The following KALRN variants were observed in gnomAD, a reference collection of about 807,000 sequenced individuals.
KALRN encodes the protein kalirin RhoGEF kinase.
Under a neutral mutation model 353.7 loss-of-function variants are expected in KALRN, and 70 were observed. The observed-to-expected ratio is 0.20, with a 90% CI of 0.16 to 0.24. The LOEUF (loss-of-function observed/expected upper bound fraction) is 0.24, where lower values mean the gene tolerates loss of function less well. Ranked by LOEUF, KALRN falls within the 10% of genes least tolerant of loss-of-function variation. KALRN has a pLI of 1.00. For synonymous variants in KALRN, 1,391 were observed against 1,434.8 expected (o/e 0.97, Z 0.69); for missense variants, 2,791 against 3,756.7 (o/e 0.74, Z 6.72).
chr3:124,342,089 C>T (rs2081794904), intron 9 of KALRN, among the ~76,000 whole-genome samples: 1 of 152,014 alleles, frequency 6.6e-6, no homozygotes, highest in South Asian at 2.1e-4. Flanking sequence ...AAAAATTATA[C>T]CCTGGTGAAA....
At chr3:124,475,599 C>T (rs749739063) in intron 26 of KALRN, among the ~76,000 whole-genome samples, 7 of 152,164 alleles carry the variant, frequency 4.6e-5, no homozygotes, top group Admixed American at 1.3e-4. Flanking sequence ...AAAGTGTCTT[C>T]ATGATTCAGA....
chr3:124,080,661 G>T lies in KALRN; in HGVS notation c.73+46848G>T, dbSNP rs78521883. Among the ~76,000 whole-genome samples, 132 of 152,172 alleles carry T rather than the reference G, an allele frequency of 8.7e-4. 3 individuals are homozygous for T. The East Asian group carries it at 0.025, about 28-fold the overall frequency. On this transcript the variant is annotated intron_variant, in intron 1 of 59. Coordinates refer to ENST00000682506, the MANE Select transcript of KALRN (RefSeq NM_001388419.1). ...AAATCATCATAAACAGCGTCTCCTT[G>T]TACACATGTACAAGTGCTTCTCTAG... is the stretch of plus-strand genomic sequence containing the variant.
intron 5 of KALRN, among the ~76,000 whole-genome samples, chr3:124,291,952 A>T (rs57296540): frequency 0.013 from 1,969 of 152,282 alleles, 48 homozygotes; most frequent in African/African-American, 0.043. Context: ...CCGTCTGTAG[A>T]TGTCCGTGTA....
Position 124,700,039 on chromosome 3 carries a change from T to A in KALRN, c.7996+6T>A. On this transcript the variant is annotated splice_donor_region_variant and intron_variant, in intron 56 of 59. Transcript: ENST00000682506. The stretch of plus-strand genomic sequence containing the variant: ...TGTGCGACTTCCAGAATATGGTGAG[T>A]CCCAGCCCAGCCCTGGCCCCCCAGG... 6.2e-7 allele frequency: 1 copy of A among 1,613,470 alleles called. No homozygotes were observed. The highest frequency in any genetic ancestry group is 8.5e-7 in the Non-Finnish European group (1 of 1,179,860).
chr3:124,571,721 C>T (rs1169623134), intron 34 of KALRN, among the ~76,000 whole-genome samples: 1 of 151,870 alleles, frequency 6.6e-6, no homozygotes, highest in African/African-American at 2.4e-5. Flanking sequence ...GACAGGGCCT[C>T]ACTCTGTTGC....
At chr3:124,707,115 G>T (rs958531884) in intron 57 of KALRN, among the ~76,000 whole-genome samples, 1 of 152,006 alleles carries the variant, frequency 6.6e-6, no homozygotes, top group African/African-American at 2.4e-5. Context: ...GAGGCAGGAG[G>T]ATCACTTGAG....
intron 34 of KALRN, among the ~76,000 whole-genome samples, chr3:124,587,993 C>G (rs992110189): frequency 6.6e-6 from 1 of 151,886 alleles, no homozygotes; most frequent in South Asian, 2.1e-4. Flanking sequence ...TGCACTTAGC[C>G]TTTTTGGTTC....
At chr3:124,456,165 TTTC>T (rs2059291313) in intron 22 of KALRN, among the ~76,000 whole-genome samples, 1 of 152,208 alleles carries the variant, frequency 6.6e-6, no homozygotes, top group Admixed American at 6.5e-5. Context: ...CCAAGGGAAA[TTTC>T]TTGTTTAAAT....
intron 51 of KALRN, among the ~76,000 whole-genome samples, chr3:124,689,339 C>T (rs1387572297): frequency 1.3e-5 from 2 of 152,142 alleles, no homozygotes; most frequent in Non-Finnish European, 2.9e-5. Flanking sequence ...CTCAGCTTCC[C>T]GAGTAGCTGT....
intron 6 of KALRN, among the ~76,000 whole-genome samples, chr3:124,307,361 T>C (rs973153663): frequency 6.6e-6 from 1 of 152,062 alleles, no homozygotes. Context: ...GCTATAAATA[T>C]ATAGTAATCC....
intron 33 of KALRN, among the ~76,000 whole-genome samples, chr3:124,509,698 T>C (rs1363505643): frequency 6.6e-6 from 1 of 152,218 alleles, no homozygotes; most frequent in African/African-American, 2.4e-5. Context: ...ATGCAGGTAA[T>C]AGAGATGCAG....
chr3:124,385,090 T>C (rs971475169), intron 11 of KALRN, 54 bp downstream of exon 11: 135 of 1,488,562 alleles, frequency 9.1e-5, no homozygotes, highest in Admixed American at 1.4e-4. Flanking sequence ...TCAGGTCGGC[T>C]TCCTAGTAAA....
chr3:124,053,616 C>T (rs1314454610), intron 1 of KALRN, among the ~76,000 whole-genome samples: 2 of 152,080 alleles, frequency 1.3e-5, no homozygotes, highest in Non-Finnish European at 2.9e-5. Context: ...GAATACAAAA[C>T]GTTAAAAAAA....
chr3:124,174,565 G>A (rs759958611), intron 1 of KALRN, among the ~76,000 whole-genome samples: 27 of 152,180 alleles, frequency 1.8e-4, no homozygotes, highest in Non-Finnish European at 3.2e-4. Flanking sequence ...GAGCACCTGG[G>A]CCACTCCTCC....
chr3:124,644,359 G>A (rs1444707704), intron 37 of KALRN, among the ~76,000 whole-genome samples: 1 of 151,924 alleles, frequency 6.6e-6, no homozygotes, highest in East Asian at 1.9e-4. Context: ...TAAGTTCCAG[G>A]ATACATGTGC....
At chr3:124,078,024 C>A (rs1226746629) in intron 1 of KALRN, among the ~76,000 whole-genome samples, 2 of 152,206 alleles carry the variant, frequency 1.3e-5, no homozygotes, top group African/African-American at 4.8e-5. Context: ...CTGGCATATA[C>A]CGACTACTCA....
chr3:124,396,397 A>G (rs749977300), intron 12 of KALRN, among the ~76,000 whole-genome samples: 1 of 152,250 alleles, frequency 6.6e-6, no homozygotes, highest in Non-Finnish European at 1.5e-5. Context: ...CTCCTATTGC[A>G]TGCTAACAAG....
rs142966450 is a variant in KALRN at position 124,188,906 on chromosome 3, C to T, written c.74-39084C>T. 7.6e-4 allele frequency among the ~76,000 whole-genome samples: 115 copies of T among 152,288 alleles called. No individual in the cohort carries two copies. In the South Asian group the frequency reaches 0.014, roughly 19 times the overall value. ...CAGAGGGGCCCAGGTAGATGCTGCGCGTGCTGTGGGTTTGCATTATAGTTG... is the reference window on the plus strand; with the variant it reads ...CAGAGGGGCCCAGGTAGATGCTGCGTGTGCTGTGGGTTTGCATTATAGTTG... On this transcript the variant is annotated intron_variant, in intron 1 of 59. Transcript: ENST00000682506.
intron 34 of KALRN, chr3:124,584,982 G>T: frequency 4.1e-6 from 6 of 1,474,952 alleles, no homozygotes; most frequent in Non-Finnish European, 5.5e-6. Flanking sequence ...GGGTGGTAGG[G>T]AGGGAAGGGT....
Sources: allele counts gnomAD v4.1 joint callset (sites outside exome capture counted in the v4.1 genomes callset), GRCh38; gene constraint gnomAD v4.1.1; transcripts MANE v1.5; gene names NCBI Gene and HGNC (gene_info 2026-07-23, HGNC 2026-07-21).